The following DIAPH2 variants were observed in gnomAD, a reference collection of about 807,000 sequenced individuals.
The protein encoded by DIAPH2 is diaphanous related formin 2.
DIAPH2 carries 35 observed loss-of-function variants against 92.7 expected under a neutral mutation model. The observed-to-expected ratio is 0.38, with a 90% CI of 0.29 to 0.50. The LOEUF is 0.50. DIAPH2 is among the 20% of genes least tolerant of loss of function. The probability of loss-of-function intolerance (pLI) is 0.94; values close to 1 mark genes in which losing one functional copy is unlikely to be tolerated. For synonymous variants in DIAPH2, 301 were observed against 280.4 expected (o/e 1.07, Z -0.73); for missense variants, 701 against 819.5 (o/e 0.86, Z 1.77).
intron 26 of DIAPH2, among the ~76,000 whole-genome samples, chrX:97,465,980 G>A (rs1040025479): frequency 1.8e-5 from 2 of 111,681 alleles, no homozygotes; most frequent in African/African-American, 3.3e-5. Context: ...GAGCCACCAC[G>A]CTTGGTCCCA....
intron 26 of DIAPH2, among the ~76,000 whole-genome samples, chrX:97,430,912 G>A (rs2070119801): frequency 8.9e-6 from 1 of 112,196 alleles, no homozygotes. Context: ...GTCCCTGAGA[G>A]ATTAACCTAA....
At chrX:96,868,961 A>G (rs778501063) in intron 4 of DIAPH2, among the ~76,000 whole-genome samples, 4 of 112,035 alleles carry the variant, frequency 3.6e-5, no homozygotes, top group Non-Finnish European at 1.9e-5. Context: ...AAAGAAGAAA[A>G]GCTTTTGCTT....
chrX:97,243,095 T>C lies in DIAPH2; in HGVS notation c.2720-4620T>C, dbSNP rs765193342. On this transcript the variant is annotated intron_variant, in intron 22 of 26. Transcript: ENST00000324765. ...GCCACCGCACCTGGCCAAAAAGTTATTAAGAATTTCAAAATGACAACAAAG... is the reference window on the plus strand; with the variant it reads ...GCCACCGCACCTGGCCAAAAAGTTACTAAGAATTTCAAAATGACAACAAAG... 2.7e-5 allele frequency among the ~76,000 whole-genome samples: 3 copies of C among 111,465 alleles called. No homozygotes were observed. In the South Asian group the frequency reaches 1.1e-3, roughly 42 times the overall value.
At chrX:96,793,997 G>A (rs903487112) in intron 4 of DIAPH2, among the ~76,000 whole-genome samples, 5 of 111,488 alleles carry the variant, frequency 4.5e-5, no homozygotes, top group African/African-American at 9.8e-5. Context: ...AATACCATAC[G>A]TGGATTAGCT....
chrX:97,422,373 C>A (rs2070018557), intron 25 of DIAPH2, among the ~76,000 whole-genome samples: 1 of 111,080 alleles, frequency 9.0e-6, no homozygotes, highest in Admixed American at 9.6e-5. Flanking sequence ...GGCTTAAGTC[C>A]CATTTCTTCC....
chrX:97,558,746 G>T, intron 26 of DIAPH2, among the ~76,000 whole-genome samples: 1 of 111,682 alleles, frequency 9.0e-6, no homozygotes, highest in Middle Eastern at 4.6e-3. Context: ...TAAAATAAGA[G>T]TGATATTTCT....
At chrX:96,776,336 G>A (rs2064377372) in intron 4 of DIAPH2, among the ~76,000 whole-genome samples, 2 of 110,004 alleles carry the variant, frequency 1.8e-5, no homozygotes, top group Non-Finnish European at 3.8e-5. Context: ...TCAGCCTCCT[G>A]AGTAGCTGGG....
At chrX:96,736,231 T>A (rs1036236742) in intron 2 of DIAPH2, among the ~76,000 whole-genome samples, 1 of 111,619 alleles carries the variant, frequency 9.0e-6, no homozygotes, top group African/African-American at 3.3e-5. Flanking sequence ...TATATCTTTT[T>A]AAAAGTTATG....
At chrX:97,241,838 C>T (rs1394520179) in intron 22 of DIAPH2, among the ~76,000 whole-genome samples, 3 of 92,528 alleles carry the variant, frequency 3.2e-5, no homozygotes, top group African/African-American at 8.4e-5. Flanking sequence ...TGCAGTGGCG[C>T]GATCTAGGCT....
chrX:96,750,516 A>G (rs1569383346), intron 3 of DIAPH2, among the ~76,000 whole-genome samples: 1 of 111,578 alleles, frequency 9.0e-6, no homozygotes, highest in East Asian at 2.8e-4. Flanking sequence ...ACTTCTTGCA[A>G]TGGCCTTGAA....
At position 97,555,113 on chromosome X, in the gene DIAPH2, G is replaced by A. The variant is rs996771170; in HGVS notation, c.3242-44140G>A. On this transcript the variant is annotated intron_variant, in intron 26 of 26. Coordinates refer to ENST00000324765, the MANE Select transcript of DIAPH2 (RefSeq NM_006729.5). The stretch of plus-strand genomic sequence containing the variant: ...GGCTGGTGGAACATTTGGTATGTGT[G>A]TTTCTTTAGTGGTTTACAGTCTGTG... Among the ~76,000 whole-genome samples, 18 of 109,248 alleles carry A rather than the reference G, an allele frequency of 1.6e-4. 1 individual carries two copies. Among genetic ancestry groups the A allele is most frequent in the Admixed American group, 1.5e-3 (15 of 10,207 alleles). The allele number at this position is 109,248 out of a possible 115,157, so 94.9% of individuals were successfully genotyped here.
At chrX:96,885,130 C>T (rs1269841556) in intron 5 of DIAPH2, 1 of 1,131,822 alleles carries the variant, frequency 8.8e-7, no homozygotes, top group African/African-American at 1.8e-5. Flanking sequence ...TTTCGAAGAC[C>T]CTTGCATCCA....
rs150650909 is a variant in DIAPH2 at position 96,946,966 on chromosome X, A to C, written c.1509+1375A>C. Among the ~76,000 whole-genome samples, 564 of 111,693 alleles carry C rather than the reference A, an allele frequency of 5.0e-3. 5 individuals are homozygous for C. The highest frequency in any genetic ancestry group is 0.018 in the African/African-American group (553 of 30,757). ...CTGGGTCATTTTAAGAGGCAGTATA[A>C]AGTCATTTTTTAACAAGTACTAGAA... is the stretch of plus-strand genomic sequence containing the variant. On this transcript the variant is annotated intron_variant, in intron 14 of 26. Transcript: ENST00000324765.
At chrX:97,079,600 AAAT>A (rs1307509910) in intron 19 of DIAPH2, among the ~76,000 whole-genome samples, 1 of 111,268 alleles carries the variant, frequency 9.0e-6, no homozygotes, top group Non-Finnish European at 1.9e-5. Flanking sequence ...CTGAGACTGA[AAAT>A]AAGGATTTTT....
rs184944438 is a variant in DIAPH2 at position 97,357,644 on chromosome X, A to G, written c.3009+9364A>G. ...TCGTGATTAATACTATAATTAGCCT[A>G]CTGTGGGTCAAACACAGTGCTGATC... On this transcript the variant is annotated intron_variant, in intron 24 of 26. Transcript: ENST00000324765. Among the ~76,000 whole-genome samples the G allele has an allele frequency of 2.5e-3, 281 of 111,766 alleles. 1 individual carries two copies. The highest frequency in any genetic ancestry group is 5.0e-3 in the Admixed American group (52 of 10,456).
chrX:97,084,923 C>T (rs1373816653), intron 19 of DIAPH2, among the ~76,000 whole-genome samples: 1 of 111,290 alleles, frequency 9.0e-6, no homozygotes, highest in Admixed American at 9.6e-5. Context: ...CAATTGTTTC[C>T]AACAGCTTTA....
At chrX:97,524,786 G>A (rs1212036317) in intron 26 of DIAPH2, among the ~76,000 whole-genome samples, 2 of 111,626 alleles carry the variant, frequency 1.8e-5, no homozygotes, top group African/African-American at 6.5e-5. Context: ...GTTCACCAAG[G>A]TTCAACCCTC....
rs1332024432 is a variant in DIAPH2 at position 96,751,647 on chromosome X, G to GTTTTTTTTTTTTTTTTTTTTTTTTTTTTT, written c.343-6503_343-6502insTTTTTTTTTTTTTTTTTTTTTTTTTTTTT. Among the ~76,000 whole-genome samples the GTTTTTTTTTTTTTTTTTTTTTTTTTTTTT allele has an allele frequency of 7.1e-5, 6 of 85,018 alleles. 1 individual carries two copies. The highest frequency in any genetic ancestry group is 1.1e-4 in the Non-Finnish European group (5 of 44,620). 73.8% of individuals were successfully genotyped at this position (85,018 alleles called of 115,157 possible). A position where few individuals can be genotyped will look rare whatever the true frequency, so the allele number is the denominator to read the frequency against. On this transcript the variant is annotated intron_variant, in intron 3 of 26. Transcript: ENST00000324765. ...TATAAATGGTCAACTAGACTTCAGT[G>GTTTTTTTTTTTTTTTTTTTTTTTTTTTTT]TTTTGTTTTTTTTTTTTTTTTTTTG...
chrX:96,995,454 C>G (rs1246237769), intron 17 of DIAPH2, among the ~76,000 whole-genome samples: 1 of 112,137 alleles, frequency 8.9e-6, no homozygotes, highest in Admixed American at 9.5e-5. Flanking sequence ...TGATCTGGAA[C>G]TCACAGACCA....
Sources: allele counts gnomAD v4.1 joint callset (sites outside exome capture counted in the v4.1 genomes callset), GRCh38; gene constraint gnomAD v4.1.1; transcripts MANE v1.5; gene names NCBI Gene and HGNC (gene_info 2026-07-23, HGNC 2026-07-21).